The following NAGPA variants were observed in gnomAD, a reference collection of about 807,000 sequenced individuals.
NAGPA encodes the protein alpha-N-acetylglucosaminyl phosphodiesterase.
NAGPA carries 56 observed loss-of-function variants against 48.5 expected under a neutral mutation model. The observed-to-expected ratio is 1.15, with a 90% confidence interval of 0.93 to 1.44. The LOEUF is 1.44. NAGPA is among the 40% of genes most tolerant of loss of function. The probability of loss-of-function intolerance (pLI) is 0.00; values close to 1 mark genes in which losing one functional copy is unlikely to be tolerated. For synonymous variants in NAGPA, 399 were observed against 315.5 expected, an observed-to-expected ratio of 1.26 and a Z score of -2.81; for missense variants, 888 against 735.0, an observed-to-expected ratio of 1.21 and a Z score of -2.41.
In NAGPA at chr16:5,033,922, C is replaced by T. The variant is rs540575914; in HGVS notation, c.-8G>A. The stretch of plus-strand genomic sequence containing the variant: ...ACCCGTGGAGGTCGCCATATTGGAC[C>T]GGGGCCTCGGGTCATGTGGGCTCGC... On this transcript the variant is annotated 5_prime_UTR_variant, in exon 1 of 10. Coordinates refer to ENST00000312251, the MANE Select transcript of NAGPA (RefSeq NM_016256.4). This position sits in a 1 kb window ranked among gnomAD's most constrained non-coding sequence, Gnocchi z 4.2. 2.1e-5 allele frequency: 32 copies of T among 1,548,756 alleles called. No homozygotes were observed. In the East Asian group the frequency reaches 7.3e-4, roughly 35 times the overall value.
chr16:5,031,918 A>AGC (rs1426546189), intron 2 of NAGPA, 34 bp from the exon 3 acceptor site: 1 of 1,613,786 alleles, frequency 6.2e-7, no homozygotes. Context: ...CTCACTCACC[A>AGC]GCAGGGGCAA....
chr16:5,028,654 A>T, intron 5 of NAGPA: 1 of 653,316 alleles, frequency 1.5e-6, no homozygotes, highest in Non-Finnish European at 2.6e-6. Flanking sequence ...CACCTCCTTC[A>T]GATCTCAGTT....
chr16:5,030,448 A>G lies in NAGPA; in HGVS notation c.728T>C (p.Ile243Thr). The change falls in exon 4 of 10, where the codon ATT becomes ACT. Residue 243 changes from isoleucine to threonine, a missense_variant. Transcript: ENST00000312251. ...CAGCTGCCCTTTCCGGTCGTGGCCA[A>G]TGGCCGTCCTGGCTGATATCACATT... is the stretch of plus-strand genomic sequence containing the variant. ...FVNVISARTAIGHDRKGQLVL... is the reference protein window; with the variant it reads ...FVNVISARTATGHDRKGQLVL... 1 of 1,554,954 alleles carries G rather than the reference A, an allele frequency of 6.4e-7. No individual in the cohort carries two copies. Among genetic ancestry groups the G allele is most frequent in the African/African-American group, 1.4e-5 (1 of 73,394 alleles).
chr16:5,028,392 C>T (rs908585434), intron 5 of NAGPA: 51 of 982,158 alleles, frequency 5.2e-5, no homozygotes, highest in Middle Eastern at 4.1e-4. Context: ...TGCACCATCA[C>T]GCCTGCCTAA....
Position 5,027,350 on chromosome 16 carries a change from A to G in NAGPA, c.1204T>C (p.Cys402Arg). 1 of 1,614,114 alleles carries G rather than the reference A, an allele frequency of 6.2e-7. No homozygotes were observed. Among genetic ancestry groups the G allele is most frequent in the Non-Finnish European group, 8.5e-7 (1 of 1,180,018 alleles). ...ECPLGWHGPG[C>R]QRPCKCEHHC... ...TGCTCACACTTACAAGGCCTCTGGC[A>G]GCCCGGCCCATGCCAGCCAAGGGGA... is the stretch of plus-strand genomic sequence containing the variant. Residue 402 changes from cysteine to arginine, a missense_variant, in exon 8 of 10, where the codon TGC (cysteine) becomes CGC (arginine). By Grantham distance (180) the Cys-to-Arg change is radical. Coordinates refer to ENST00000312251, the MANE Select transcript of NAGPA (RefSeq NM_016256.4).
At chr16:5,027,761 A>G (rs1304708430) in intron 7 of NAGPA, 85 bp downstream of exon 7, 1 of 1,527,930 alleles carries the variant, frequency 6.5e-7, no homozygotes, top group Non-Finnish European at 8.8e-7. Flanking sequence ...CCAGACCAGA[A>G]GGTGGAGACA....
At chr16:5,028,752 T>C in intron 5 of NAGPA, 128 bp downstream of exon 5, 3 of 1,464,060 alleles carry the variant, frequency 2.0e-6, no homozygotes, top group Non-Finnish European at 1.9e-6. Flanking sequence ...GGGGAGGGAC[T>C]GCAGCAATTT....
intron 3 of NAGPA, chr16:5,030,782 T>G: frequency 6.4e-6 from 3 of 470,654 alleles, no homozygotes; most frequent in Non-Finnish European, 7.8e-6. Flanking sequence ...CCCCAGCCTC[T>G]TCCTCCTCCT....
In NAGPA at chr16:5,028,122, G is replaced by T. The variant is rs1222127663; in HGVS notation, c.984C>A (p.Arg328=). ...VSTVVCVHEP[R]CQPPDCHGHG... ...GGCCGTGGCAGTCAGGCGGCTGGCA[G>T]CGGGGTTCGTGCACACACACCACGG... is the stretch of plus-strand genomic sequence containing the variant. The change falls in exon 6 of 10, where the codon CGC becomes CGA. Residue 328 remains arginine (R), a synonymous_variant. Transcript: ENST00000312251. 2 of 1,604,762 alleles carry T rather than the reference G, an allele frequency of 1.2e-6. No individual in the cohort carries two copies. Among genetic ancestry groups the T allele is most frequent in the Non-Finnish European group, 1.7e-6 (2 of 1,175,802 alleles).
intron 2 of NAGPA, chr16:5,032,915 C>A: frequency 3.0e-6 from 1 of 332,526 alleles, no homozygotes. Flanking sequence ...CTAAAATCAA[C>A]ACTATTTACA....
chr16:5,027,478 A>G, intron 7 of NAGPA, 99 bp from the exon 8 acceptor site: 1 of 1,274,922 alleles, frequency 7.8e-7, no homozygotes, highest in Non-Finnish European at 1.1e-6. Flanking sequence ...GCCCCTGCCC[A>G]TGTGTACAGA....
rs756882896 is a variant in NAGPA at position 5,027,407 on chromosome 16, G to A, written c.1175-28C>T. On this transcript the variant is annotated intron_variant, in intron 7 of 9. Transcript: ENST00000312251. ...ATGGAAAGGAGATGGGAGGAGGGAGGAGGGAGGAGAAAGGTTGGGGCCTCC... is the reference window on the plus strand; with the variant it reads ...ATGGAAAGGAGATGGGAGGAGGGAGAAGGGAGGAGAAAGGTTGGGGCCTCC... 4 of 1,609,614 alleles carry A rather than the reference G, an allele frequency of 2.5e-6. No homozygotes were observed. The Admixed American group carries it at 6.7e-5, about 27-fold the overall frequency.
chr16:5,028,856 C>T (rs12929283), intron 5 of NAGPA, 24 bp downstream of exon 5: 168,691 of 1,613,690 alleles, frequency 0.1, 9,924 homozygotes, highest in Non-Finnish European at 0.12. Context: ...TCAGCCCTCA[C>T]GAAGGCGGCT....
chr16:5,032,506 C>T (rs1956119490), intron 2 of NAGPA, among the ~76,000 whole-genome samples: 1 of 151,368 alleles, frequency 6.6e-6, no homozygotes, highest in Non-Finnish European at 1.5e-5. Flanking sequence ...CCACCCCATC[C>T]CGTCTCTACT....
chr16:5,030,243 G>A (rs1956075655), intron 4 of NAGPA, 142 bp downstream of exon 4: 6 of 752,088 alleles, frequency 8.0e-6, no homozygotes, highest in Non-Finnish European at 1.4e-5. Context: ...CCTGTGGGAA[G>A]GTGAGGGGGC....
chr16:5,029,927 G>T (rs1036627578), intron 4 of NAGPA: 1 of 248,352 alleles, frequency 4.0e-6, no homozygotes, highest in South Asian at 5.0e-5. Context: ...CTGTCTCAAA[G>T]AAACAAACAA....
chr16:5,029,138 G>A, intron 4 of NAGPA, 130 bp from the exon 5 acceptor site: 1 of 1,477,092 alleles, frequency 6.8e-7, no homozygotes, highest in Non-Finnish European at 9.3e-7. Flanking sequence ...CCGCCCCCAA[G>A]CATGTCTCAT....
intron 4 of NAGPA, 142 bp from the exon 5 acceptor site, chr16:5,029,150 C>T: frequency 7.2e-7 from 1 of 1,397,928 alleles, no homozygotes; most frequent in Non-Finnish European, 9.9e-7. Context: ...ATGTCTCATC[C>T]TAGCCCCCGG....
At chr16:5,026,640 T>G (rs1956005970) in intron 9 of NAGPA, among the ~76,000 whole-genome samples, 1 of 152,198 alleles carries the variant, frequency 6.6e-6, no homozygotes, top group Non-Finnish European at 1.5e-5. Flanking sequence ...AGCTGGATGC[T>G]GGGCATGGGG....
Sources: gnomAD v4.1 joint callset for allele counts (sites outside exome capture counted in the v4.1 genomes callset) on GRCh38, gnomAD v4.1.1 for gene constraint, Gnocchi (gnomAD v3.1) non-coding constraint, MANE v1.5 for transcripts, NCBI Gene and HGNC (gene_info 2026-07-23, HGNC 2026-07-21) for gene names.